TIMD4: variants seen among roughly 807,000 people sequenced by gnomAD.
TIMD4 encodes the protein T cell immunoglobulin and mucin domain containing 4, also known as T-cell immunoglobulin and mucin domain-containing protein 4.
In TIMD4, 31 loss-of-function variants were observed where a neutral mutation model predicts 41.2. The ratio of observed to expected loss-of-function variants is 0.75; its 90% CI spans 0.57 to 1.01. The LOEUF is 1.01. TIMD4 is among the 50% of genes least tolerant of loss of function. The pLI, the probability that TIMD4 is intolerant of heterozygous loss-of-function variation, is 0.00. For synonymous variants in TIMD4, 204 were observed against 177.1 expected, an observed-to-expected ratio of 1.15 and a Z score of -1.21; for missense variants, 479 against 472.5, an observed-to-expected ratio of 1.01 and a Z score of -0.13.
chr5:156,960,171 T>G (rs1760053427), intron 1 of TIMD4, among the ~76,000 whole-genome samples: 3 of 152,064 alleles, frequency 2.0e-5, no homozygotes, highest in African/African-American at 7.2e-5. Context: ...AAAATTCCCC[T>G]CAACCAGTGT....
In TIMD4 at chr5:156,949,748, T is replaced by A. The variant is rs565881133; in HGVS notation, c.680-17A>T. Reference sequence around the variant, plus strand: ...TTTCTGATTCTGGAAGAGAAAAAAGTTGGATAAAAGGCAGCTGAAAAGTAG... The same window carrying A: ...TTTCTGATTCTGGAAGAGAAAAAAGATGGATAAAAGGCAGCTGAAAAGTAG... On this transcript the variant is annotated splice_polypyrimidine_tract_variant and intron_variant, in intron 3 of 8. Coordinates refer to ENST00000274532, the MANE Select transcript of TIMD4 (RefSeq NM_138379.3). The A allele has an allele frequency of 1.9e-6, 3 of 1,580,652 alleles. No homozygotes were observed. The African/African-American group carries it at 4.0e-5, about 21-fold the overall frequency.
intron 1 of TIMD4, among the ~76,000 whole-genome samples, chr5:156,955,442 G>A (rs1759953947): frequency 6.6e-6 from 1 of 152,156 alleles, no homozygotes; most frequent in Non-Finnish European, 1.5e-5. Context: ...GGATCACAAG[G>A]TCAGGAGATC....
chr5:156,920,318 CA>C, intron 8 of TIMD4, 145 bp downstream of exon 8: 1 of 915,380 alleles, frequency 1.1e-6, no homozygotes, highest in Non-Finnish European at 1.7e-6. Flanking sequence ...TAAATCTGCA[CA>C]ACTTTTTCAC....
chr5:156,934,345 G>T (rs1016523170), intron 5 of TIMD4, among the ~76,000 whole-genome samples: 2 of 152,180 alleles, frequency 1.3e-5, no homozygotes, highest in Admixed American at 6.5e-5. Flanking sequence ...CCCAGGCTCT[G>T]GCTCACGGTA....
At chr5:156,957,005 A>G (rs1759983457) in intron 1 of TIMD4, among the ~76,000 whole-genome samples, 1 of 150,130 alleles carries the variant, frequency 6.7e-6, no homozygotes, top group African/African-American at 2.4e-5. Context: ...AAGCAAGACT[A>G]TGTGCTTCTG....
intron 5 of TIMD4, among the ~76,000 whole-genome samples, chr5:156,938,430 C>T (rs1759578931): frequency 6.6e-6 from 1 of 152,112 alleles, no homozygotes; most frequent in Non-Finnish European, 1.5e-5. Flanking sequence ...TTACTAAGTT[C>T]CCTGTGATTC....
intron 5 of TIMD4, among the ~76,000 whole-genome samples, chr5:156,944,067 A>G (rs1759693128): frequency 6.6e-6 from 1 of 151,828 alleles, no homozygotes; most frequent in Non-Finnish European, 1.5e-5. Context: ...TCTCAAAAAA[A>G]AAAAAAGAAA....
At chr5:156,961,873 C>T (rs1581639515) in intron 1 of TIMD4, among the ~76,000 whole-genome samples, 1 of 94,472 alleles carries the variant, frequency 1.1e-5, no homozygotes, top group Non-Finnish European at 2.3e-5. Context: ...TATATAAACA[C>T]AGTAGAATAT....
At chr5:156,936,772 AG>A (rs1324165378) in intron 5 of TIMD4, among the ~76,000 whole-genome samples, 1 of 151,682 alleles carries the variant, frequency 6.6e-6, no homozygotes, top group Non-Finnish European at 1.5e-5. Flanking sequence ...AAAAAAAAAA[AG>A]AAAAAAAAAT....
chr5:156,962,502 C>T (rs1209312004), intron 1 of TIMD4, among the ~76,000 whole-genome samples: 2 of 152,224 alleles, frequency 1.3e-5, no homozygotes, highest in Middle Eastern at 3.4e-3. Flanking sequence ...TTTAAAAAGC[C>T]AGGTCTCTCA....
At chr5:156,960,803 GC>G (rs1760065930) in intron 1 of TIMD4, among the ~76,000 whole-genome samples, 1 of 152,256 alleles carries the variant, frequency 6.6e-6, no homozygotes, top group Admixed American at 6.5e-5. Flanking sequence ...CCCTCATGGG[GC>G]CTGCAGAGTA....
In TIMD4 at chr5:156,928,794, T is replaced by C. The variant is rs75048569; in HGVS notation, c.845-2482A>G. ...ACTAAGTTATTGTTGTTTTTCTCTC[T>C]GCAATTATCCCCTAGAGCTGAAAAT... On this transcript the variant is annotated intron_variant, in intron 5 of 8. Transcript: ENST00000274532. Among the ~76,000 whole-genome samples, 250 of 152,328 alleles carry C rather than the reference T, an allele frequency of 1.6e-3. 1 individual carries two copies. The highest frequency in any genetic ancestry group is 5.7e-3 in the African/African-American group (237 of 41,578).
At chr5:156,945,914 C>A (rs963337328) in intron 5 of TIMD4, among the ~76,000 whole-genome samples, 1 of 152,152 alleles carries the variant, frequency 6.6e-6, no homozygotes, top group Admixed American at 6.5e-5. Flanking sequence ...TGGCTTGACA[C>A]AGACCTAGAA....
At chr5:156,962,833 C>A (rs929862733) in intron 1 of TIMD4, among the ~76,000 whole-genome samples, 1 of 152,200 alleles carries the variant, frequency 6.6e-6, no homozygotes, top group Non-Finnish European at 1.5e-5. Flanking sequence ...ATGAATAACA[C>A]CCATAGAGGA....
intron 6 of TIMD4, among the ~76,000 whole-genome samples, chr5:156,925,828 A>C (rs1426831445): frequency 1.3e-5 from 2 of 152,206 alleles, no homozygotes. Context: ...TGTTGCAATG[A>C]ATTTTGCGAC....
intron 5 of TIMD4, among the ~76,000 whole-genome samples, chr5:156,947,152 C>G (rs771642435): frequency 6.6e-6 from 1 of 151,658 alleles, no homozygotes; most frequent in African/African-American, 2.4e-5. Flanking sequence ...GAGCGGAGAT[C>G]GCACCACTGC....
chr5:156,934,996 A>T (rs1759512953), intron 5 of TIMD4, among the ~76,000 whole-genome samples: 1 of 152,242 alleles, frequency 6.6e-6, no homozygotes, highest in African/African-American at 2.4e-5. Context: ...CTAGAATTTT[A>T]GAAGTGACAA....
intron 5 of TIMD4, among the ~76,000 whole-genome samples, chr5:156,928,543 C>T (rs1220870815): frequency 6.6e-6 from 1 of 152,152 alleles, no homozygotes; most frequent in African/African-American, 2.4e-5. Flanking sequence ...TTAAATAAAA[C>T]ACACAGGGAG....
At chr5:156,951,421 C>G in intron 3 of TIMD4, 91 bp downstream of exon 3, 1 of 1,508,356 alleles carries the variant, frequency 6.6e-7, no homozygotes. Flanking sequence ...CACGCACACA[C>G]TCACACACAC....
Sources: gnomAD v4.1 joint callset for allele counts (sites outside exome capture counted in the v4.1 genomes callset) on GRCh38, gnomAD v4.1.1 for gene constraint, MANE v1.5 for transcripts, NCBI Gene and HGNC (gene_info 2026-07-23, HGNC 2026-07-21) for gene names.